The following PLCB4 variants were observed in gnomAD, a reference collection of about 807,000 sequenced individuals.
The protein encoded by PLCB4 is phospholipase C beta 4, also known as 1-phosphatidylinositol 4,5-bisphosphate phosphodiesterase beta-4.
A neutral mutation model predicts 178.8 loss-of-function variants in PLCB4; 77 were observed. The observed-to-expected ratio is 0.43, with a 90% CI of 0.36 to 0.52. The LOEUF (loss-of-function observed/expected upper bound fraction) is 0.52. PLCB4 is among the 20% of genes least tolerant of loss of function. The probability of loss-of-function intolerance (pLI) is 0.00; values close to 1 mark genes in which losing one functional copy is unlikely to be tolerated. For synonymous variants in PLCB4, 496 were observed against 490.8 expected (o/e 1.01, Z -0.14); for missense variants, 1,024 against 1,453.4 (o/e 0.70, Z 4.80).
At chr20:9,296,883 A>T (rs2094642521) in intron 3 of PLCB4, among the ~76,000 whole-genome samples, 1 of 152,182 alleles carries the variant, frequency 6.6e-6, no homozygotes, top group Non-Finnish European at 1.5e-5. Context: ...GGGAAGGGAT[A>T]GCATTAGGAG....
intron 39 of PLCB4, among the ~76,000 whole-genome samples, chr20:9,477,827 G>A (rs1341313045): frequency 6.6e-6 from 1 of 152,102 alleles, no homozygotes; most frequent in Non-Finnish European, 1.5e-5. Context: ...AATTAATTTT[G>A]TCACAAGAAT....
At chr20:9,441,789 C>T (rs2042120365) in intron 30 of PLCB4, among the ~76,000 whole-genome samples, 1 of 152,096 alleles carries the variant, frequency 6.6e-6, no homozygotes. Flanking sequence ...GTAGAGAGGG[C>T]ATAGTGTGTG....
At position 9,373,065 on chromosome 20, in the gene PLCB4, T is replaced by G. The variant is rs1239363974; in HGVS notation, c.705T>G (p.Asp235Glu). Residue 235 changes from aspartate to glutamate, a missense_variant, in exon 12 of 40, where the codon GAT becomes GAG. Coordinates refer to ENST00000378473, the MANE Select transcript of PLCB4 (RefSeq NM_001377142.1). Reference sequence around the variant, plus strand: ...TTTTCAGCAATGGAGACAAAACTGATTATTTAACGGTAGACCAATTAGTGA... The same window carrying G: ...TTTTCAGCAATGGAGACAAAACTGAGTATTTAACGGTAGACCAATTAGTGA... The part of the protein sequence containing the change: ...LFKKINGDKT[D>E]YLTVDQLVSF... The G allele has an allele frequency of 6.5e-7, 1 of 1,527,612 alleles. No homozygotes were observed. The highest frequency in any genetic ancestry group is 1.7e-5 in the Admixed American group (1 of 59,332). The allele number at this position is 1,527,612 out of a possible 1,614,324, so 94.6% of individuals were successfully genotyped here.
intron 3 of PLCB4, among the ~76,000 whole-genome samples, chr20:9,281,172 A>AT (rs2147692564): frequency 6.6e-6 from 1 of 152,094 alleles, no homozygotes; most frequent in South Asian, 2.1e-4. Context: ...TGGCTTCACC[A>AT]TTTAGTATCT....
chr20:9,291,482 C>G (rs1430689020), intron 3 of PLCB4, among the ~76,000 whole-genome samples: 1 of 152,088 alleles, frequency 6.6e-6, no homozygotes, highest in Non-Finnish European at 1.5e-5. Context: ...GATTTTATTT[C>G]CTTTTCCTTT....
chr20:9,438,479 T>A (rs552330412), intron 30 of PLCB4, among the ~76,000 whole-genome samples: 1 of 151,928 alleles, frequency 6.6e-6, no homozygotes, highest in Non-Finnish European at 1.5e-5. Flanking sequence ...CAGAGATAGA[T>A]TGTACCATTG....
chr20:9,378,951 C>T (rs1043573961), intron 12 of PLCB4, among the ~76,000 whole-genome samples: 4 of 152,030 alleles, frequency 2.6e-5, no homozygotes, highest in African/African-American at 9.7e-5. Flanking sequence ...TTAACAGTTG[C>T]TTTTTAAATA....
At chr20:9,459,992 G>A (rs796994032) in intron 35 of PLCB4, among the ~76,000 whole-genome samples, 182 bp downstream of exon 35, 8 of 152,202 alleles carry the variant, frequency 5.3e-5, no homozygotes, top group African/African-American at 1.7e-4. Flanking sequence ...GGCACCCAGG[G>A]GCCAGGTGCA....
intron 2 of PLCB4, among the ~76,000 whole-genome samples, chr20:9,153,269 G>C (rs2092721851): frequency 6.6e-6 from 1 of 152,110 alleles, no homozygotes; most frequent in Non-Finnish European, 1.5e-5. Flanking sequence ...TGATTTGGAG[G>C]GGCCAAGGGT....
intron 2 of PLCB4, among the ~76,000 whole-genome samples, chr20:9,111,380 T>C: frequency 6.6e-6 from 1 of 152,228 alleles, no homozygotes; most frequent in South Asian, 2.1e-4. Flanking sequence ...GAATGTTTTC[T>C]ACTTTAAATC....
intron 34 of PLCB4, among the ~76,000 whole-genome samples, chr20:9,458,616 C>T (rs2043200516): frequency 6.6e-6 from 1 of 152,174 alleles, no homozygotes; most frequent in Non-Finnish European, 1.5e-5. Context: ...TGGTAGTTGT[C>T]TGGCTGTTGC....
chr20:9,146,861 G>A (rs2092607249), intron 2 of PLCB4, among the ~76,000 whole-genome samples: 2 of 152,268 alleles, frequency 1.3e-5, no homozygotes, highest in South Asian at 4.2e-4. Context: ...TCAGCATTAT[G>A]CTTTTGTTTA....
intron 2 of PLCB4, among the ~76,000 whole-genome samples, chr20:9,104,545 C>G (rs889907143): frequency 6.6e-6 from 1 of 152,128 alleles, no homozygotes; most frequent in Non-Finnish European, 1.5e-5. Context: ...TCCTCAGATT[C>G]AATTTCCTAG....
At chr20:9,284,718 A>G (rs1368521285) in intron 3 of PLCB4, among the ~76,000 whole-genome samples, 2 of 151,970 alleles carry the variant, frequency 1.3e-5, no homozygotes, top group Non-Finnish European at 2.9e-5. Flanking sequence ...CTTCCACAGG[A>G]AATAGATAAA....
intron 33 of PLCB4, among the ~76,000 whole-genome samples, chr20:9,455,063 A>G (rs1345945248): frequency 6.6e-6 from 1 of 152,226 alleles, no homozygotes; most frequent in African/African-American, 2.4e-5. Flanking sequence ...TGATTCTTCT[A>G]GATTCTAACC....
chr20:9,188,499 T>G (rs6108269), intron 2 of PLCB4, among the ~76,000 whole-genome samples: 2 of 139,688 alleles, frequency 1.4e-5, no homozygotes, highest in African/African-American at 5.6e-5. Context: ...GGTTGGTTAA[T>G]TGTTCATTGT....
chr20:9,453,115 T>A (rs563735513), intron 32 of PLCB4, among the ~76,000 whole-genome samples: 50 of 152,298 alleles, frequency 3.3e-4, no homozygotes, highest in South Asian at 8.3e-4. Context: ...GGAGTGCATT[T>A]GAACTGGGCA....
chr20:9,262,317 G>A (rs530583583), intron 3 of PLCB4, among the ~76,000 whole-genome samples: 4 of 142,644 alleles, frequency 2.8e-5, no homozygotes, highest in African/African-American at 1.1e-4. Flanking sequence ...GTGAGTGAGC[G>A]AGTGAGTGAG....
rs751630721 is a variant in PLCB4, at chr20:9,387,547, C to A, written c.1149C>A (p.Ile383=). ...ITHGKAMCTD[I]LFKDVIQAIK... ...ATGGAAAAGCAATGTGTACAGATATCCTTTTTAAGGTAACTTTAAAAATAA... is the reference window on the plus strand; with the variant it reads ...ATGGAAAAGCAATGTGTACAGATATACTTTTTAAGGTAACTTTAAAAATAA... The change falls in exon 15 of 40, where the codon ATC becomes ATA. Residue 383 remains isoleucine, a synonymous_variant. Transcript: ENST00000378473. The A allele has an allele frequency of 4.0e-6, 6 of 1,510,692 alleles. No homozygotes were observed. Among genetic ancestry groups the A allele is most frequent in the South Asian group, 1.2e-5 (1 of 83,548 alleles). 93.6% of individuals were successfully genotyped at this position (1,510,692 alleles called of 1,614,324 possible).
Sources: gnomAD v4.1 joint callset for allele counts (sites outside exome capture counted in the v4.1 genomes callset) on GRCh38, gnomAD v4.1.1 for gene constraint, MANE v1.5 for transcripts, NCBI Gene and HGNC (gene_info 2026-07-23, HGNC 2026-07-21) for gene names.